The following ELAPOR2 variants were observed in gnomAD, a reference collection of about 807,000 sequenced individuals.
ELAPOR2 encodes endosome/lysosome-associated apoptosis and autophagy regulator family member 2.
ELAPOR2 carries 89 observed loss-of-function variants against 120.7 expected under a neutral mutation model. That is an observed-to-expected ratio of 0.74 (90% CI 0.62 to 0.88). The LOEUF is 0.88. Ranked by LOEUF, ELAPOR2 falls within the 40% of genes least tolerant of loss-of-function variation. ELAPOR2 has a pLI of 0.00. For missense variants in ELAPOR2, 1,134 were observed against 1,251.6 expected, an observed-to-expected ratio of 0.91 and a Z score of 1.42; for synonymous variants, 444 against 444.9, an observed-to-expected ratio of 1.00 and a Z score of 0.03.
intron 1 of ELAPOR2, among the ~76,000 whole-genome samples, chr7:87,007,823 G>A (rs10242896): frequency 0.38 from 57,526 of 151,936 alleles, 11,734 homozygotes; most frequent in African/African-American, 0.53. Flanking sequence ...ATCAAAATAA[G>A]TAATCAAAAC....
intron 1 of ELAPOR2, among the ~76,000 whole-genome samples, chr7:87,045,664 C>T (rs981509337): frequency 5.3e-5 from 8 of 151,160 alleles, no homozygotes; most frequent in South Asian, 2.1e-4. Flanking sequence ...TGCTAGATGA[C>T]GAGTTAGTGG....
chr7:86,947,614 T>G, intron 3 of ELAPOR2, 113 bp downstream of exon 3: 1 of 926,842 alleles, frequency 1.1e-6, no homozygotes, highest in Non-Finnish European at 1.6e-6. Flanking sequence ...TGCAATTAGC[T>G]TATCTATCAC....
chr7:86,997,039 A>G (rs1767738), intron 1 of ELAPOR2, among the ~76,000 whole-genome samples: 11,499 of 152,236 alleles, frequency 0.076, 477 homozygotes, highest in Admixed American at 0.11. Flanking sequence ...AATCACTTAT[A>G]TACTTTACAT....
chr7:86,892,008 C>G, intron 20 of ELAPOR2, 119 bp from the exon 21 acceptor site: 5 of 638,272 alleles, frequency 7.8e-6, no homozygotes, highest in Non-Finnish European at 1.3e-5. Context: ...AATTGCTCCA[C>G]CAACAAATTT....
chr7:86,982,663 C>T (rs149613890), intron 1 of ELAPOR2, among the ~76,000 whole-genome samples: 4,784 of 152,278 alleles, frequency 0.031, 93 homozygotes, highest in Middle Eastern at 0.048. Context: ...GACATCCACA[C>T]CAAAACCCCA....
chr7:86,949,469 G>GC, intron 2 of ELAPOR2, among the ~76,000 whole-genome samples: 1 of 152,308 alleles, frequency 6.6e-6, no homozygotes, highest in South Asian at 2.1e-4. Context: ...AGGAGGCAGA[G>GC]CCCCGTCCTC....
At chr7:87,019,941 TTA>T (rs1383061992) in intron 1 of ELAPOR2, among the ~76,000 whole-genome samples, 1 of 152,212 alleles carries the variant, frequency 6.6e-6, no homozygotes, top group Non-Finnish European at 1.5e-5. Flanking sequence ...TAACATATTT[TTA>T]GTTTTTCATT....
chr7:86,935,022 G>C (rs1215601738), intron 8 of ELAPOR2, among the ~76,000 whole-genome samples: 5 of 151,938 alleles, frequency 3.3e-5, no homozygotes. Flanking sequence ...ACCGGGAGAA[G>C]GGCATTATGA....
intron 13 of ELAPOR2, among the ~76,000 whole-genome samples, chr7:86,913,490 T>A (rs1003525725): frequency 1.3e-5 from 2 of 152,230 alleles, no homozygotes; most frequent in Non-Finnish European, 2.9e-5. Context: ...ATAGACCTCA[T>A]ATCTAGAAGA....
In ELAPOR2 at chr7:86,925,658, T is replaced by C; in HGVS notation, c.1271-2A>G. ...TTCCTGCTGGACATGGTCTACATTC[T>C]ACAGGAGACAAGTAGGGTCAACAAT... is the stretch of plus-strand genomic sequence containing the variant. On this transcript the variant is annotated splice_acceptor_variant, in intron 9 of 21. Coordinates refer to ENST00000450689, the MANE Select transcript of ELAPOR2 (RefSeq NM_001142749.3). LOFTEE classifies it high-confidence loss of function. 1 of 1,611,276 alleles carries C rather than the reference T, an allele frequency of 6.2e-7. No homozygotes were observed. The highest frequency in any genetic ancestry group is 8.5e-7 in the Non-Finnish European group (1 of 1,178,080).
chr7:87,016,829 C>T (rs1249127450), intron 1 of ELAPOR2, among the ~76,000 whole-genome samples: 1 of 151,978 alleles, frequency 6.6e-6, no homozygotes, highest in Non-Finnish European at 1.5e-5. Context: ...CAAACAGCAG[C>T]ACCCAAAGTA....
chr7:86,999,704 T>C (rs1280131132), intron 1 of ELAPOR2, among the ~76,000 whole-genome samples: 2 of 152,150 alleles, frequency 1.3e-5, no homozygotes, highest in Non-Finnish European at 2.9e-5. Context: ...AAACATTCAG[T>C]GCAGTTTCAG....
intron 1 of ELAPOR2, among the ~76,000 whole-genome samples, chr7:86,983,523 G>T (rs933096804): frequency 6.6e-6 from 1 of 152,168 alleles, no homozygotes; most frequent in African/African-American, 2.4e-5. Flanking sequence ...GAGAGTGGGG[G>T]CCAATATTCA....
At chr7:87,051,749 A>G (rs2129017874) in intron 1 of ELAPOR2, among the ~76,000 whole-genome samples, 1 of 152,352 alleles carries the variant, frequency 6.6e-6, no homozygotes, top group Non-Finnish European at 1.5e-5. Flanking sequence ...TCACTCCCCC[A>G]TAAGTAGCAA....
intron 5 of ELAPOR2, 61 bp from the exon 6 acceptor site, chr7:86,940,176 T>A (rs1790745476): frequency 3.1e-6 from 3 of 974,358 alleles, no homozygotes; most frequent in Non-Finnish European, 4.8e-6. Context: ...CAAAAGCTAC[T>A]CCCTTACATA....
intron 21 of ELAPOR2, among the ~76,000 whole-genome samples, chr7:86,881,112 T>C (rs940306225): frequency 6.6e-6 from 1 of 152,186 alleles, no homozygotes. Context: ...GCTGGCATTA[T>C]ATAAAACATT....
chr7:86,973,115 C>A (rs1460365979), intron 1 of ELAPOR2, among the ~76,000 whole-genome samples: 4 of 152,090 alleles, frequency 2.6e-5, no homozygotes, highest in Admixed American at 2.6e-4. Flanking sequence ...TGCTTCTGCT[C>A]TTGCCCACAC....
chr7:86,917,281 G>A (rs772449176), intron 12 of ELAPOR2, among the ~76,000 whole-genome samples: 11 of 151,918 alleles, frequency 7.2e-5, no homozygotes, highest in Non-Finnish European at 1.5e-4. Context: ...TTAGCTAGAC[G>A]TATGGGGCAT....
chr7:87,015,193 T>G (rs1793828310), intron 1 of ELAPOR2, among the ~76,000 whole-genome samples: 2 of 152,240 alleles, frequency 1.3e-5, no homozygotes, highest in Admixed American at 1.3e-4. Context: ...ATTCAAAAAG[T>G]GCCTTTTAAT....
Sources: allele counts gnomAD v4.1 joint callset (sites outside exome capture counted in the v4.1 genomes callset), GRCh38; gene constraint gnomAD v4.1.1; transcripts MANE v1.5; gene names NCBI Gene and HGNC (gene_info 2026-07-23, HGNC 2026-07-21).